HYI: variants seen among roughly 807,000 people sequenced by gnomAD.
HYI encodes putative hydroxypyruvate isomerase.
Under a neutral mutation model 39.7 loss-of-function variants are expected in HYI, and 47 were observed. The observed-to-expected ratio is 1.18, with a 90% confidence interval of 0.94 to 1.51. The LOEUF is 1.51. HYI is among the 40% of genes most tolerant of loss of function. HYI has a pLI of 0.00. For missense variants in HYI, 465 were observed against 370.3 expected, an observed-to-expected ratio of 1.26 and a Z score of -2.10; for synonymous variants, 186 against 158.8, an observed-to-expected ratio of 1.17 and a Z score of -1.29.
chr1:43,451,536 G>C lies in HYI; in HGVS notation c.634C>G (p.Gln212Glu), dbSNP rs1436176772. 6.2e-7 allele frequency: 1 copy of C among 1,614,020 alleles called. No individual in the cohort carries two copies. Among genetic ancestry groups the C allele is most frequent in the East Asian group, 2.2e-5 (1 of 44,860 alleles). The change falls in exon 7 of 8, where the codon CAG becomes GAG. Residue 212 changes from glutamine (Q) to glutamate (E), a missense_variant. Transcript: ENST00000372430. ...REFLPIVGHVQVAQVPGRGEP... is the reference protein window; with the variant it reads ...REFLPIVGHVEVAQVPGRGEP... ...CCTCGGCCTGGGACCTGTGCCACCT[G>C]CACATGCCCTGGGGACAGATGTGGA...
rs1172834677 is a variant in HYI at position 43,451,816 on chromosome 1, G to A, written c.537C>T (p.Pro179=). The part of the protein sequence containing the change: ...AAAILQKVGR[P]NLQLQMDIFH... ...CACTTACCATTTGTAATTGGAGGTT[G>A]GGTCTTCCTACCTTCTGTAAGATGG... The change falls in exon 5 of 8, where the codon CCC becomes CCT. Residue 179 remains proline, a synonymous_variant. Coordinates refer to ENST00000372430, the MANE Select transcript of HYI (RefSeq NM_001190880.3). 4 of 1,614,030 alleles carry A rather than the reference G, an allele frequency of 2.5e-6. No individual in the cohort carries two copies. In the Admixed American group the frequency reaches 6.7e-5, roughly 27 times the overall value.
rs1656372828 is a variant in HYI at position 43,451,296 on chromosome 1, C to CA, written c.775_776insT (p.Gly259ValfsTer11). On this transcript the variant is annotated frameshift_variant, in exon 8 of 8. Coordinates refer to ENST00000372430, the MANE Select transcript of HYI (RefSeq NM_001190880.3). LOFTEE classifies it high-confidence loss of function. ...CCAGTATGAACGTAGCCAACTCAAG[C>CA]CCTCTACTGTGTCTCCTGCAGGGAG... 1 of 1,613,914 alleles carries CA rather than the reference C, an allele frequency of 6.2e-7. No individual in the cohort carries two copies. Among genetic ancestry groups the CA allele is most frequent in the African/African-American group, 1.3e-5 (1 of 74,930 alleles).
rs1282751035 is a variant in HYI at position 43,452,003 on chromosome 1, A to G, written c.437T>C (p.Val146Ala). Reference sequence around the variant, plus strand: ...GGTGTTGATGGGCTCCAGCAGTCCCACGAGGTCCTCCTAGCAGCATGTCGG... The same window carrying G: ...GGTGTTGATGGGCTCCAGCAGTCCCGCGAGGTCCTCCTAGCAGCATGTCGG... Reference protein sequence around the residue: ...AAGVLAQEDLVGLLEPINTRI... With the variant: ...AAGVLAQEDLAGLLEPINTRI... The change falls in exon 4 of 8, where the codon GTG (valine) becomes GCG (alanine). Residue 146 changes from valine to alanine, a missense_variant. Transcript: ENST00000372430. 2 of 1,608,450 alleles carry G rather than the reference A, an allele frequency of 1.2e-6. No homozygotes were observed. Among genetic ancestry groups the G allele is most frequent in the East Asian group, 4.5e-5 (2 of 44,784 alleles).
At chr1:43,453,331 G>C in intron 2 of HYI, 55 bp downstream of exon 2, 1 of 1,154,650 alleles carries the variant, frequency 8.7e-7, no homozygotes. Flanking sequence ...TCGACTCCCT[G>C]AACCTGCATC....
In HYI at chr1:43,453,730, C is replaced by T; in HGVS notation, c.64G>A (p.Ala22Thr). 3 of 1,386,806 alleles carry T rather than the reference C, an allele frequency of 2.2e-6. No homozygotes were observed. Among genetic ancestry groups the T allele is most frequent in the Non-Finnish European group, 2.8e-6 (3 of 1,082,214 alleles). The allele number at this position is 1,386,806 out of a possible 1,614,324, so 85.9% of individuals were successfully genotyped here. The change falls in exon 1 of 8, where the codon GCG (alanine) becomes ACG (threonine). Residue 22 changes from alanine (A) to threonine (T), a missense_variant. Physicochemically the swap from Ala to Thr is moderately conservative, Grantham distance 58. Coordinates refer to ENST00000372430, the MANE Select transcript of HYI (RefSeq NM_001190880.3). ...WLFPELSGLPARVRAAGSSGF... is the reference protein window; with the variant it reads ...WLFPELSGLPTRVRAAGSSGF... ...GAGCTGCCCGCGGCCCGCACCCGCG[C>T]GGGGAGGCCGGAGAGCTCGGGGAAT...
chr1:43,450,879 G>A (rs373927228), downstream of HYI: 9 of 727,538 alleles, frequency 1.2e-5, no homozygotes, highest in East Asian at 8.0e-5. The surrounding 1 kb of genome is among the most constrained non-coding windows in gnomAD (Gnocchi z 4.3). Context: ...TTGAGCCTTC[G>A]GGTCTTCACT....
Position 43,451,844 on chromosome 1 carries a change from G to A in HYI, c.509C>T (p.Ala170Val). The A allele has an allele frequency of 6.2e-7, 1 of 1,614,044 alleles. No individual in the cohort carries two copies. Among genetic ancestry groups the A allele is most frequent in the African/African-American group, 1.3e-5 (1 of 75,024 alleles). Residue 170 changes from alanine to valine, a missense_variant, in exon 5 of 8, where the codon GCA becomes GTA. By Grantham distance (64) the Ala-to-Val change is moderately conservative. Transcript: ENST00000372430. ...TCTTCCTACCTTCTGTAAGATGGCT[G>A]CCGCTGTAAGAGAAGCCAGGGAGGG... ...QYFLDTPQQA[A>V]AILQKVGRPN...
chr1:43,451,370 G>A (rs976162089), intron 7 of HYI, 40 bp downstream of exon 7: 20 of 1,611,900 alleles, frequency 1.2e-5, no homozygotes, highest in South Asian at 4.4e-5. Flanking sequence ...GCCCCTGTCC[G>A]GGTCCCTCCA....
At chr1:43,450,692 T>C (rs1570755539), downstream of HYI, 44 of 745,532 alleles carry the variant, frequency 5.9e-5, 1 homozygote, top group South Asian at 7.4e-4. The surrounding 1 kb of genome is among the most constrained non-coding windows in gnomAD (Gnocchi z 4.3). Context: ...CACTGACCCA[T>C]CCAGGACTCC....
rs750401439 is a variant in HYI at position 43,451,258 on chromosome 1, G to A, written c.814C>T (p.His272Tyr). 1.9e-6 allele frequency: 3 copies of A among 1,614,060 alleles called. No individual in the cohort carries two copies. The highest frequency in any genetic ancestry group is 2.5e-6 in the Non-Finnish European group (3 of 1,180,038). ...GGCCCTCACTGGCCAGCCTCTGGGTGGCCCCGCCTATCCCAGTATGAACGT... is the reference window on the plus strand; with the variant it reads ...GGCCCTCACTGGCCAGCCTCTGGGTAGCCCCGCCTATCCCAGTATGAACGT... Reference protein sequence around the residue: ...WLRSYWDRRGHPEAGQ With the variant: ...WLRSYWDRRGYPEAGQ The change falls in exon 8 of 8, where the codon CAC (histidine) becomes TAC (tyrosine). Residue 272 changes from histidine (H) to tyrosine (Y), a missense_variant. Transcript: ENST00000372430.
chr1:43,452,662 CTG>C, intron 2 of HYI: 1 of 601,012 alleles, frequency 1.7e-6, no homozygotes, highest in Non-Finnish European at 3.0e-6. Flanking sequence ...TTCCATGCTG[CTG>C]TCTCTACTTC....
chr1:43,452,679 C>G, intron 2 of HYI: 1 of 605,130 alleles, frequency 1.7e-6, no homozygotes, highest in Non-Finnish European at 2.9e-6. Context: ...TACTTCCTCT[C>G]CTCGCATCTA....
In HYI at chr1:43,451,102, C is replaced by T; in HGVS notation, c.*136G>A. On this transcript the variant is annotated 3_prime_UTR_variant, in exon 8 of 8. Coordinates refer to ENST00000372430, the MANE Select transcript of HYI (RefSeq NM_001190880.3). ...CAATGGGAGGGAAGCAGCAGAGAAA[C>T]TGAAGTGTTAGACACTATGTGTCCC... 1.1e-6 allele frequency: 1 copy of T among 903,922 alleles called. No homozygotes were observed. The highest frequency in any genetic ancestry group is 1.8e-6 in the Non-Finnish European group (1 of 544,362). 56.0% of individuals were successfully genotyped at this position (903,922 alleles called of 1,614,324 possible).
Position 43,451,139 on chromosome 1 carries a change from A to G in HYI, c.*99T>C. Reference sequence around the variant, plus strand: ...ACACTATGTGTCCCACCACCCCATTACAGAGACATATGACAATGTTCAGCA... The same window carrying G: ...ACACTATGTGTCCCACCACCCCATTGCAGAGACATATGACAATGTTCAGCA... On this transcript the variant is annotated 3_prime_UTR_variant, in exon 8 of 8. Coordinates refer to ENST00000372430, the MANE Select transcript of HYI (RefSeq NM_001190880.3). 2 of 1,148,314 alleles carry G rather than the reference A, an allele frequency of 1.7e-6. No individual in the cohort carries two copies. The allele number at this position is 1,148,314 out of a possible 1,614,324, so 71.1% of individuals were successfully genotyped here.
rs767596360 is a variant in HYI, at chr1:43,451,065, G to A, written c.*173C>T. The A allele has an allele frequency of 5.0e-6, 4 of 800,474 alleles. No individual in the cohort carries two copies. Among genetic ancestry groups the A allele is most frequent in the African/African-American group, 3.3e-5 (2 of 59,708 alleles). The allele number at this position is 800,474 out of a possible 1,614,324, so 49.6% of individuals were successfully genotyped here. On this transcript the variant is annotated 3_prime_UTR_variant, in exon 8 of 8. Transcript: ENST00000372430. ...CTCTCCCATCTTCACAGCAACCCTG[G>A]CACTGGCTTCTCAATGGGAGGGAAG... is the stretch of plus-strand genomic sequence containing the variant.
At position 43,451,397 on chromosome 1, in the gene HYI, G is replaced by C; in HGVS notation, c.760+13C>G. The C allele has an allele frequency of 6.2e-7, 1 of 1,612,090 alleles. No individual in the cohort carries two copies. On this transcript the variant is annotated intron_variant, in intron 7 of 7. Coordinates refer to ENST00000372430, the MANE Select transcript of HYI (RefSeq NM_001190880.3). ...GTCCCTCCAGAGCTCCCTTCCCCAG[G>C]GCCACGCCTCACCTCGAGGCTGATA...
chr1:43,452,940 C>G lies in HYI; in HGVS notation c.311+446G>C, dbSNP rs183738799. On this transcript the variant is annotated intron_variant, in intron 2 of 7. Transcript: ENST00000372430. ...AGGAACGCTGCCAAATACACCAGGC[C>G]TCCTCTTGCCACAGCACCCTTGCAA... is the stretch of plus-strand genomic sequence containing the variant. 2.5e-6 allele frequency: 4 copies of G among 1,609,046 alleles called. No homozygotes were observed. The South Asian group carries it at 4.5e-5, about 18-fold the overall frequency.
At position 43,453,276 on chromosome 1, in the gene HYI, T is replaced by G. The variant is rs192063492; in HGVS notation, c.311+110A>C. 3.0e-5 allele frequency: 22 copies of G among 726,358 alleles called. No homozygotes were observed. In the East Asian group the frequency reaches 3.8e-4, roughly 13 times the overall value. 45.0% of individuals were successfully genotyped at this position (726,358 alleles called of 1,614,324 possible). A position where few individuals can be genotyped will look rare whatever the true frequency, so the allele number is the denominator to read the frequency against. On this transcript the variant is annotated intron_variant, in intron 2 of 7. Coordinates refer to ENST00000372430, the MANE Select transcript of HYI (RefSeq NM_001190880.3). ...AGGACCAGGACCGCAGAGGCAGAGA[T>G]AAACCAGTGGGCTCAGACTTCTGAG... is the stretch of plus-strand genomic sequence containing the variant.
Position 43,452,105 on chromosome 1 carries a change from G to T in HYI, c.427-92C>A, listed in dbSNP as rs908289652. ...GGTCAAGGCCCTCACCTGTTCCTCT[G>T]ACCTAGGCTGGCAGCCTCACGTGCT... On this transcript the variant is annotated intron_variant, in intron 3 of 7. Coordinates refer to ENST00000372430, the MANE Select transcript of HYI (RefSeq NM_001190880.3). 2.7e-6 allele frequency: 4 copies of T among 1,509,308 alleles called. No homozygotes were observed. In the African/African-American group the frequency reaches 5.5e-5, roughly 21 times the overall value. 93.5% of individuals were successfully genotyped at this position (1,509,308 alleles called of 1,614,324 possible).
Sources: gnomAD v4.1 joint callset for allele counts on GRCh38, gnomAD v4.1.1 for gene constraint, Gnocchi (gnomAD v3.1) non-coding constraint, MANE v1.5 for transcripts, NCBI Gene and HGNC (gene_info 2026-07-23, HGNC 2026-07-21) for gene names.